PCDHGA1: variants seen among roughly 807,000 people sequenced by gnomAD.
PCDHGA1 encodes protocadherin gamma-A1.
A neutral mutation model predicts 58.0 loss-of-function variants in PCDHGA1; 32 were observed. That is an observed-to-expected ratio of 0.55 (90% CI 0.42 to 0.74). The LOEUF is 0.74. Ranked by LOEUF, PCDHGA1 falls within the 30% of genes least tolerant of loss-of-function variation. The pLI, the probability that PCDHGA1 is intolerant of heterozygous loss-of-function variation, is 0.00. For missense variants in PCDHGA1, 1,205 were observed against 1,182.3 expected (o/e 1.02, Z -0.28); for synonymous variants, 498 against 501.1 (o/e 0.99, Z 0.08).
At chr5:141,405,217 G>A in intron 1 of PCDHGA1, 9 of 1,614,024 alleles carry the variant, frequency 5.6e-6, no homozygotes, top group Non-Finnish European at 7.6e-6. Context: ...CCTATTCTCA[G>A]GAGTTCTCCC....
chr5:141,495,900 G>A (rs1403705200), intron 2 of PCDHGA1, among the ~76,000 whole-genome samples: 2 of 151,894 alleles, frequency 1.3e-5, no homozygotes, highest in East Asian at 1.9e-4. Context: ...CTTTGTCTCT[G>A]TCTCTGTATA....
chr5:141,382,126 C>G (rs1360934225), intron 1 of PCDHGA1, among the ~76,000 whole-genome samples: 1 of 151,958 alleles, frequency 6.6e-6, no homozygotes, highest in African/African-American at 2.4e-5. Context: ...CAGCACCTGG[C>G]CCCCCCTCTC....
intron 1 of PCDHGA1, among the ~76,000 whole-genome samples, chr5:141,455,844 T>TA (rs2098833146): frequency 6.6e-6 from 1 of 150,818 alleles, no homozygotes; most frequent in Non-Finnish European, 1.5e-5. Flanking sequence ...TCTATCTGCA[T>TA]AAAATAATTT....
At chr5:141,343,735 T>C (rs925488137) in intron 1 of PCDHGA1, 1 of 271,366 alleles carries the variant, frequency 3.7e-6, no homozygotes, top group African/African-American at 2.2e-5. Flanking sequence ...AATTCAAAAA[T>C]AATAATGTGT....
At chr5:141,507,016 G>C (rs913170594) in intron 3 of PCDHGA1, 1 of 152,166 alleles carries the variant, frequency 6.6e-6, no homozygotes, top group African/African-American at 2.4e-5. Context: ...AACCGAGAAG[G>C]CACTTGCCCC....
At chr5:141,350,724 A>AAG in intron 1 of PCDHGA1, 2 of 1,613,990 alleles carry the variant, frequency 1.2e-6, no homozygotes, top group South Asian at 2.2e-5. Context: ...GATTCTGCTC[A>AAG]AGATGCAGAT....
chr5:141,473,151 T>C (rs2099315238), intron 1 of PCDHGA1, among the ~76,000 whole-genome samples: 1 of 152,242 alleles, frequency 6.6e-6, no homozygotes. Context: ...TTCAGATCAC[T>C]AGGGCTAGGA....
chr5:141,352,265 C>A (rs760271009), intron 1 of PCDHGA1: 2 of 1,614,084 alleles, frequency 1.2e-6, no homozygotes, highest in South Asian at 2.2e-5. Flanking sequence ...AGAGGTATTG[C>A]CAGACCTCAG....
chr5:141,383,349 T>C lies in PCDHGA1; in HGVS notation c.2421+50244T>C, dbSNP rs781308834. The C allele has an allele frequency of 1.1e-5, 18 of 1,613,856 alleles. No individual in the cohort carries two copies. The African/African-American group carries it at 2.4e-4, about 22-fold the overall frequency. On this transcript the variant is annotated intron_variant, in intron 1 of 3. Transcript: ENST00000517417. The stretch of plus-strand genomic sequence containing the variant: ...TAATGGAGAATACAGCTCCTGGGGT[T>C]CGGTTTCCGTTAAGCGAGGCTGGGG...
At position 141,345,575 on chromosome 5, in the gene PCDHGA1, A is replaced by T. The variant is rs367782477; in HGVS notation, c.2421+12470A>T. ...CTATCAACTCCAACACTGGCGTCCT[A>T]TACGCGCTGAGATCCTTCGACTACG... On this transcript the variant is annotated intron_variant, in intron 1 of 3. Transcript: ENST00000517417. The T allele has an allele frequency of 2.6e-5, 42 of 1,614,176 alleles. 1 individual carries two copies. The Middle Eastern group carries it at 1.5e-3, about 57-fold the overall frequency.
chr5:141,478,819 C>T, intron 1 of PCDHGA1: 8 of 1,447,842 alleles, frequency 5.5e-6, no homozygotes, highest in South Asian at 3.0e-5. Flanking sequence ...CACAACTAAC[C>T]AATCTTGCTA....
chr5:141,428,077 A>G (rs2097107152), intron 1 of PCDHGA1: 4 of 1,609,206 alleles, frequency 2.5e-6, no homozygotes, highest in South Asian at 1.1e-5. Flanking sequence ...GATTCGGGAC[A>G]CAACGCTTGG....
intron 1 of PCDHGA1, among the ~76,000 whole-genome samples, chr5:141,359,015 T>A (rs1389251705): frequency 6.6e-6 from 1 of 152,256 alleles, no homozygotes; most frequent in African/African-American, 2.4e-5. Flanking sequence ...TTAGTGTAAT[T>A]TGATAACTGG....
intron 1 of PCDHGA1, chr5:141,422,103 A>C: frequency 6.2e-7 from 1 of 1,608,206 alleles, no homozygotes; most frequent in Admixed American, 1.7e-5. Context: ...CTTCTGAAAT[A>C]TTCCAATTGG....
intron 1 of PCDHGA1, chr5:141,383,874 T>C: frequency 1.2e-6 from 2 of 1,614,012 alleles, no homozygotes; most frequent in Non-Finnish European, 1.7e-6. Context: ...AAGATGGTCC[T>C]GGTAGTCTGA....
chr5:141,340,911 A>G, intron 1 of PCDHGA1: 1 of 1,613,766 alleles, frequency 6.2e-7, no homozygotes, highest in Non-Finnish European at 8.5e-7. Flanking sequence ...GTGGCCATCC[A>G]GGACCACGGC....
Position 141,338,985 on chromosome 5 carries a change from A to G in PCDHGA1, c.2421+5880A>G, listed in dbSNP as rs6878145. 2.6e-3 allele frequency: 3,936 copies of G among 1,539,972 alleles called. 105 individuals are homozygous for G. In the African/African-American group the frequency reaches 0.048, roughly 19 times the overall value. ...GACAGGAGGGAAATGGCGGCTCTGC[A>G]AAAGTTGCCACACTGCAGAAAGCTG... On this transcript the variant is annotated intron_variant, in intron 1 of 3. Transcript: ENST00000517417.
At chr5:141,415,560 GT>G in intron 1 of PCDHGA1, 1 of 1,613,936 alleles carries the variant, frequency 6.2e-7, no homozygotes, top group Non-Finnish European at 8.5e-7. Flanking sequence ...ACGATCCTTT[GT>G]CTTTGTTAGA....
In PCDHGA1 at chr5:141,487,737, T is replaced by G. The variant is rs1019622307; in HGVS notation, c.2422-7070T>G. 1 of 1,563,758 alleles carries G rather than the reference T, an allele frequency of 6.4e-7. No homozygotes were observed. The highest frequency in any genetic ancestry group is 8.7e-7 in the Non-Finnish European group (1 of 1,152,772). On this transcript the variant is annotated intron_variant, in intron 1 of 3. Transcript: ENST00000517417. This position sits in a 1 kb window ranked among gnomAD's most constrained non-coding sequence, Gnocchi z 5.0. ...GCCCATAGTGATGTCACCATTTTTG[T>G]AAGAGGTAACTATGTGGTAGACGCT...
Sources: allele counts gnomAD v4.1 joint callset (sites outside exome capture counted in the v4.1 genomes callset), GRCh38; gene constraint gnomAD v4.1.1; non-coding constraint Gnocchi (gnomAD v3.1); transcripts MANE v1.5; gene names NCBI Gene and HGNC (gene_info 2026-07-23, HGNC 2026-07-21).